Variants in DNAJB6 observed in about 807,000 individuals in gnomAD.
DNAJB6 encodes DnaJ heat shock protein family (Hsp40) member B6, also known as dnaJ homolog subfamily B member 6.
A neutral mutation model predicts 42.7 loss-of-function variants in DNAJB6; 16 were observed. The ratio of observed to expected loss-of-function variants is 0.37; its 90% CI spans 0.25 to 0.57. DNAJB6 has a LOEUF of 0.57. DNAJB6 is among the 20% of genes least tolerant of loss of function. DNAJB6 has a pLI of 0.74. For synonymous variants in DNAJB6, 170 were observed against 163.5 expected (o/e 1.04, Z -0.30); for missense variants, 347 against 416.8 (o/e 0.83, Z 1.46).
At position 157,383,155 on chromosome 7, in the gene DNAJB6, C is replaced by T. The variant is rs566821422; in HGVS notation, c.478+778C>T. On this transcript the variant is annotated intron_variant, in intron 6 of 9. Transcript: ENST00000262177. ...CTGAGTAGCTGGGATCACAGGTGTG[C>T]ACCAGCAGGCCCAGCTAATTTTTGT... Among the ~76,000 whole-genome samples the T allele has an allele frequency of 2.8e-4, 43 of 152,212 alleles. 1 individual carries two copies. The South Asian group carries it at 8.7e-3, about 31-fold the overall frequency.
chr7:157,377,446 G>C (rs1271521823), intron 5 of DNAJB6, among the ~76,000 whole-genome samples: 1 of 152,228 alleles, frequency 6.6e-6, no homozygotes, highest in African/African-American at 2.4e-5. Context: ...GAAGAGATGA[G>C]CATACATGTT....
intron 5 of DNAJB6, chr7:157,380,614 T>G (rs1800712642): frequency 6.6e-6 from 1 of 152,446 alleles, no homozygotes; most frequent in South Asian, 2.1e-4. Context: ...ACACGCTGGT[T>G]TGTGGGCGGA....
chr7:157,353,333 AG>A (rs1799094964), intron 1 of DNAJB6, among the ~76,000 whole-genome samples: 1 of 152,186 alleles, frequency 6.6e-6, no homozygotes, highest in South Asian at 2.1e-4. Context: ...AAGATAGTAC[AG>A]GGATTTTCCT....
chr7:157,410,729 A>G (rs1419337027), intron 9 of DNAJB6: 1 of 151,838 alleles, frequency 6.6e-6, no homozygotes, highest in African/African-American at 2.4e-5. Flanking sequence ...AGGTGACCCC[A>G]GCCGCTCATG....
Position 157,357,211 on chromosome 7 carries a change from T to TGTCC in DNAJB6, c.-26-1335_-26-1332dup, listed in dbSNP as rs1300869710. On this transcript the variant is annotated intron_variant, in intron 1 of 9. Coordinates refer to ENST00000262177, the MANE Select transcript of DNAJB6 (RefSeq NM_058246.4). ...TGTCTTTGTGGCTTTGTGATACTGT[T>TGTCC]GTCCTTCCTTCCTTCCTTCCTTCCT... Among the ~76,000 whole-genome samples the TGTCC allele has an allele frequency of 9.3e-5, 7 of 75,412 alleles. 2 individuals are homozygous for TGTCC. The highest frequency in any genetic ancestry group is 4.4e-4 in the South Asian group (1 of 2,262). 49.5% of individuals were successfully genotyped at this position (75,412 alleles called of 152,430 possible). A position where few individuals can be genotyped will look rare whatever the true frequency, so the allele number is the denominator to read the frequency against.
chr7:157,390,626 G>A (rs980733263), intron 8 of DNAJB6, among the ~76,000 whole-genome samples: 5 of 152,060 alleles, frequency 3.3e-5, no homozygotes, highest in African/African-American at 9.7e-5. Flanking sequence ...CTTCCTGCCC[G>A]TCTCACCCAG....
chr7:157,375,681 C>A (rs1420133944), intron 5 of DNAJB6, among the ~76,000 whole-genome samples: 1 of 152,158 alleles, frequency 6.6e-6, no homozygotes, highest in Non-Finnish European at 1.5e-5. Context: ...GCTCCCATTG[C>A]GTGTTGTATT....
chr7:157,409,012 G>C (rs113545785), intron 8 of DNAJB6, among the ~76,000 whole-genome samples: 1 of 152,242 alleles, frequency 6.6e-6, no homozygotes, highest in Non-Finnish European at 1.5e-5. Context: ...GAGCTCTGAC[G>C]CAGCTGCCTC....
At chr7:157,363,367 A>G (rs1458257948) in intron 3 of DNAJB6, 97 bp downstream of exon 3, 5 of 721,914 alleles carry the variant, frequency 6.9e-6, no homozygotes, top group Middle Eastern at 2.4e-4. Flanking sequence ...TATGGACTCA[A>G]GTGACTTGTT....
chr7:157,363,103 A>G lies in DNAJB6; in HGVS notation c.66-58A>G, dbSNP rs1429019840. On this transcript the variant is annotated intron_variant, in intron 2 of 9. Transcript: ENST00000262177. ...TCTCGTGGTTAATGATGTTAGTTTC[A>G]AAAGCATAGTTGATTTCTGGATTTA... 3 of 1,263,748 alleles carry G rather than the reference A, an allele frequency of 2.4e-6. No homozygotes were observed. The African/African-American group carries it at 4.4e-5, about 19-fold the overall frequency. 78.3% of individuals were successfully genotyped at this position (1,263,748 alleles called of 1,614,324 possible).
Position 157,417,158 on chromosome 7 carries a change from CTT to C in DNAJB6, c.*1062_*1063del, listed in dbSNP as rs1796123473. 1 of 152,198 alleles carries C rather than the reference CTT, an allele frequency of 6.6e-6. No homozygotes were observed. Among genetic ancestry groups the C allele is most frequent in the African/African-American group, 2.4e-5 (1 of 41,438 alleles). The allele number at this position is 152,198 out of a possible 1,614,324, so 9.4% of individuals were successfully genotyped here. A position where few individuals can be genotyped will look rare whatever the true frequency, so the allele number is the denominator to read the frequency against. On this transcript the variant is annotated 3_prime_UTR_variant, in exon 10 of 10. Transcript: ENST00000262177. ...TTGGACTTGAGGGCATTGTGAAAAG[CTT>C]TGCTGTGATTTAAAAATGCCAGCAA...
At chr7:157,402,742 C>A (rs942840145) in intron 8 of DNAJB6, among the ~76,000 whole-genome samples, 1 of 152,206 alleles carries the variant, frequency 6.6e-6, no homozygotes, top group African/African-American at 2.4e-5. Context: ...GAATATGGGG[C>A]CTGTGGTTTC....
intron 1 of DNAJB6, among the ~76,000 whole-genome samples, chr7:157,347,643 T>G (rs1798755280): frequency 6.6e-6 from 1 of 152,164 alleles, no homozygotes; most frequent in Admixed American, 6.5e-5. Flanking sequence ...GACACGTGAG[T>G]CAGTAACACA....
At position 157,385,605 on chromosome 7, in the gene DNAJB6, A is replaced by C; in HGVS notation, c.685A>C (p.Ile229Leu). 6.2e-7 allele frequency: 1 copy of C among 1,613,952 alleles called. No individual in the cohort carries two copies. The highest frequency in any genetic ancestry group is 8.5e-7 in the Non-Finnish European group (1 of 1,179,850). Reference protein sequence around the residue: ...EEDGQLKSLTINGVADDDALA... With the variant: ...EEDGQLKSLTLNGVADDDALA... ...AGATGGCCAGTTAAAGTCCTTAACAATAAATGGTAAGGAGCAGCTGCTGCG... is the reference window on the plus strand; with the variant it reads ...AGATGGCCAGTTAAAGTCCTTAACACTAAATGGTAAGGAGCAGCTGCTGCG... The change falls in exon 8 of 10, where the codon ATA (isoleucine) becomes CTA (leucine). Residue 229 changes from isoleucine (I) to leucine (L), a missense_variant. Physicochemically the swap from Ile to Leu is conservative, Grantham distance 5. Coordinates refer to ENST00000262177, the MANE Select transcript of DNAJB6 (RefSeq NM_058246.4).
Position 157,385,591 on chromosome 7 carries a change from T to G in DNAJB6, c.671T>G (p.Leu224Ter), listed in dbSNP as rs1801012644. 2 of 1,613,960 alleles carry G rather than the reference T, an allele frequency of 1.2e-6. No individual in the cohort carries two copies. The highest frequency in any genetic ancestry group is 1.7e-6 in the Non-Finnish European group (2 of 1,179,860). The change falls in exon 8 of 10, where the codon TTA becomes TGA. Residue 224 changes from leucine (L) to a stop codon, truncating the protein, a stop_gained. Coordinates refer to ENST00000262177, the MANE Select transcript of DNAJB6 (RefSeq NM_058246.4). LOFTEE classifies it high-confidence loss of function. ...GTAGAAGTTGAAGAAGATGGCCAGT[T>G]AAAGTCCTTAACAATAAATGGTAAG... Reference protein sequence around the residue: ...ERVEVEEDGQLKSLTINGVAD... With the variant: ...ERVEVEEDGQ
In DNAJB6 at chr7:157,377,602, G is replaced by C. The variant is rs566833935; in HGVS notation, c.347-4644G>C. Among the ~76,000 whole-genome samples, 9 of 152,248 alleles carry C rather than the reference G, an allele frequency of 5.9e-5. No homozygotes were observed. In the South Asian group the frequency reaches 1.7e-3, roughly 28 times the overall value. On this transcript the variant is annotated intron_variant, in intron 5 of 9. Coordinates refer to ENST00000262177, the MANE Select transcript of DNAJB6 (RefSeq NM_058246.4). The stretch of plus-strand genomic sequence containing the variant: ...CAGGACTGGAGCAGTCTCCTCCCCC[G>C]GGGTGGGATGGTGTGGGGTGGGGAT...
intron 5 of DNAJB6, among the ~76,000 whole-genome samples, chr7:157,369,782 AAC>A (rs1584909461): frequency 2.1e-5 from 3 of 145,982 alleles, no homozygotes; most frequent in African/African-American, 7.7e-5. Context: ...GGCCTTTCAT[AAC>A]ATTATTATTA....
rs549602415 is a variant in DNAJB6, at chr7:157,346,132, C to T, written c.-27+8988C>T. Among the ~76,000 whole-genome samples the T allele has an allele frequency of 2.6e-5, 4 of 152,078 alleles. No individual in the cohort carries two copies. In the South Asian group the frequency reaches 8.3e-4, roughly 32 times the overall value. ...GAGGAGCTTTGTCCTCTGTGCTCAT[C>T]CTCACAGTGCTGGGCGGGCCAGAAG... On this transcript the variant is annotated intron_variant, in intron 1 of 9. Transcript: ENST00000262177.
At chr7:157,386,668 A>C (rs949159879) in intron 8 of DNAJB6, among the ~76,000 whole-genome samples, 1 of 152,172 alleles carries the variant, frequency 6.6e-6, no homozygotes, top group Admixed American at 6.5e-5. Context: ...GGATCACCTG[A>C]GGTCAGGAGT....
Sources: allele counts gnomAD v4.1 joint callset (sites outside exome capture counted in the v4.1 genomes callset), GRCh38; gene constraint gnomAD v4.1.1; transcripts MANE v1.5; gene names NCBI Gene and HGNC (gene_info 2026-07-23, HGNC 2026-07-21).